Variants in TNIK observed in about 807,000 individuals in gnomAD.
The protein encoded by TNIK is TRAF2 and NCK interacting kinase.
A neutral mutation model predicts 191.3 loss-of-function variants in TNIK; 49 were observed. That is an observed-to-expected ratio of 0.26 (90% CI 0.20 to 0.32). TNIK has a LOEUF of 0.32. TNIK is among the 10% of genes least tolerant of loss of function. The pLI is 1.00. For missense variants in TNIK, 1,155 were observed against 1,702.3 expected (o/e 0.68, Z 5.66); for synonymous variants, 594 against 600.9 (o/e 0.99, Z 0.17).
intron 24 of TNIK, among the ~76,000 whole-genome samples, chr3:171,086,314 C>T (rs1483274133): frequency 6.6e-6 from 1 of 152,206 alleles, no homozygotes; most frequent in African/African-American, 2.4e-5. Flanking sequence ...ATTCCCCCTA[C>T]CAAATAGAAC....
chr3:171,297,366 T>C (rs931263459), intron 2 of TNIK, among the ~76,000 whole-genome samples: 6 of 152,162 alleles, frequency 3.9e-5, no homozygotes, highest in African/African-American at 7.2e-5. Context: ...AACTTTCACA[T>C]GTAAGTAATG....
At chr3:171,139,666 G>A in intron 13 of TNIK, 110 bp from the exon 14 acceptor site, 311 of 716,798 alleles carry the variant, frequency 4.3e-4, no homozygotes, top group South Asian at 8.3e-4. Flanking sequence ...AGGAAGGAGG[G>A]GAAAAATACC....
At chr3:171,188,086 T>G (rs1737589855) in intron 7 of TNIK, among the ~76,000 whole-genome samples, 1 of 152,224 alleles carries the variant, frequency 6.6e-6, no homozygotes, top group South Asian at 2.1e-4. Flanking sequence ...GAGAAGGGCT[T>G]CTTGGAGAAA....
chr3:171,297,698 T>C (rs1752457195), intron 2 of TNIK, among the ~76,000 whole-genome samples: 1 of 152,204 alleles, frequency 6.6e-6, no homozygotes, highest in African/African-American at 2.4e-5. Context: ...CATATCTTCA[T>C]CAGCTAACTT....
chr3:171,091,954 CT>C (rs749686909), intron 23 of TNIK, among the ~76,000 whole-genome samples: 174 of 144,192 alleles, frequency 1.2e-3, no homozygotes, highest in African/African-American at 1.2e-3. Context: ...TTCTTTCTTT[CT>C]TTTTTTTTTT....
intron 2 of TNIK, among the ~76,000 whole-genome samples, chr3:171,256,298 C>A (rs1016446435): frequency 3.9e-5 from 6 of 152,108 alleles, no homozygotes; most frequent in African/African-American, 1.4e-4. Flanking sequence ...TCCCAAGGCC[C>A]AGGGCCTAGA....
intron 2 of TNIK, among the ~76,000 whole-genome samples, chr3:171,271,076 A>G (rs770131042): frequency 1.4e-4 from 21 of 152,240 alleles, no homozygotes; most frequent in Non-Finnish European, 2.4e-4. Flanking sequence ...CATGGTAGAG[A>G]CTCACTACAT....
chr3:171,444,574 T>TA lies in TNIK; in HGVS notation c.57+15432dup, dbSNP rs776537688. 2.8e-3 allele frequency among the ~76,000 whole-genome samples: 255 copies of TA among 90,868 alleles called. 1 individual carries two copies. Among genetic ancestry groups the TA allele is most frequent in the Middle Eastern group, 0.013 (2 of 150 alleles). The allele number at this position is 90,868 out of a possible 152,430, so 59.6% of individuals were successfully genotyped here. On this transcript the variant is annotated intron_variant, in intron 1 of 32. Transcript: ENST00000436636. The stretch of plus-strand genomic sequence containing the variant: ...TTTTCTGCACCTTGAATAAACTTGC[T>TA]AAAAAAAAAAAAAAAAAGAAAAAGA...
At chr3:171,139,174 G>A (rs753964350) in intron 14 of TNIK, among the ~76,000 whole-genome samples, 2 of 152,148 alleles carry the variant, frequency 1.3e-5, no homozygotes, top group Non-Finnish European at 2.9e-5. Flanking sequence ...AAAGCAGTTT[G>A]TACTTATAAT....
intron 1 of TNIK, among the ~76,000 whole-genome samples, chr3:171,372,181 AT>A (rs1716584474): frequency 6.6e-6 from 1 of 152,192 alleles, no homozygotes; most frequent in Admixed American, 6.5e-5. Context: ...TGAATAATCT[AT>A]TCTTGGGTAT....
At chr3:171,252,964 C>G (rs1036701025) in intron 2 of TNIK, among the ~76,000 whole-genome samples, 2 of 151,990 alleles carry the variant, frequency 1.3e-5, no homozygotes, top group African/African-American at 4.8e-5. Flanking sequence ...CCGAAGGAAA[C>G]CACTCTTAGT....
rs904864304 is a variant in TNIK at position 171,059,973 on chromosome 3, C to A, written c.*3908G>T. ...GTTATCAGCATGCTGTGGATTTTCTCATGTTTTCCTGCAGTAGGTTAAAAT... is the reference window on the plus strand; with the variant it reads ...GTTATCAGCATGCTGTGGATTTTCTAATGTTTTCCTGCAGTAGGTTAAAAT... On this transcript the variant is annotated 3_prime_UTR_variant, in exon 33 of 33. Transcript: ENST00000436636. Among the ~76,000 whole-genome samples, 1 of 152,186 alleles carries A rather than the reference C, an allele frequency of 6.6e-6. No individual in the cohort carries two copies. The highest frequency in any genetic ancestry group is 2.4e-5 in the African/African-American group (1 of 41,452).
chr3:171,292,776 A>G (rs1751828165), intron 2 of TNIK, among the ~76,000 whole-genome samples: 2 of 36,656 alleles, frequency 5.5e-5, no homozygotes, highest in African/African-American at 3.9e-4. Context: ...ACTCCATCTC[A>G]AAAAAAAAAA....
chr3:171,179,262 T>C (rs367975906), intron 7 of TNIK, among the ~76,000 whole-genome samples: 3 of 152,344 alleles, frequency 2.0e-5, no homozygotes, highest in South Asian at 4.1e-4. Flanking sequence ...ACAAAGATTT[T>C]CATTAAACGC....
intron 1 of TNIK, among the ~76,000 whole-genome samples, chr3:171,410,583 T>C (rs1236340492): frequency 1.3e-5 from 2 of 151,924 alleles, no homozygotes; most frequent in African/African-American, 2.4e-5. Flanking sequence ...ATCGAGACCA[T>C]CCTGGCTAAC....
rs535037929 is a variant in TNIK, at chr3:171,082,123, G to T, written c.3313+128C>A. On this transcript the variant is annotated intron_variant, in intron 27 of 32. Coordinates refer to ENST00000436636, the MANE Select transcript of TNIK (RefSeq NM_015028.4). ...ACAAAATGTGGGCAATCTCACTCTGGCTATACTGCTATACTTTATTGTGTT... is the reference window on the plus strand; with the variant it reads ...ACAAAATGTGGGCAATCTCACTCTGTCTATACTGCTATACTTTATTGTGTT... 1.2e-5 allele frequency: 15 copies of T among 1,276,696 alleles called. No homozygotes were observed. In the South Asian group the frequency reaches 2.4e-4, roughly 20 times the overall value. 79.1% of individuals were successfully genotyped at this position (1,276,696 alleles called of 1,614,324 possible). A position where few individuals can be genotyped will look rare whatever the true frequency, so the allele number is the denominator to read the frequency against.
chr3:171,236,219 CAG>C (rs1427579242), intron 2 of TNIK, among the ~76,000 whole-genome samples: 1 of 152,148 alleles, frequency 6.6e-6, no homozygotes, highest in Non-Finnish European at 1.5e-5. Flanking sequence ...TCACAATGAA[CAG>C]AGATTCCTGT....
chr3:171,261,711 T>G (rs1186817617), intron 2 of TNIK, among the ~76,000 whole-genome samples: 2 of 152,206 alleles, frequency 1.3e-5, no homozygotes, highest in Non-Finnish European at 2.9e-5. Flanking sequence ...ATCCTATGGG[T>G]CATTGCTTCA....
chr3:171,194,454 C>T (rs1160717832), intron 5 of TNIK, 71 bp downstream of exon 5: 4 of 1,352,686 alleles, frequency 3.0e-6, no homozygotes, highest in Non-Finnish European at 3.1e-6. Context: ...GAAAAAAATT[C>T]AATCCCTCAT....
Sources: allele counts gnomAD v4.1 joint callset (sites outside exome capture counted in the v4.1 genomes callset), GRCh38; gene constraint gnomAD v4.1.1; transcripts MANE v1.5; gene names NCBI Gene and HGNC (gene_info 2026-07-23, HGNC 2026-07-21).